Variants in NEGR1 observed in about 807,000 individuals in gnomAD.
The protein encoded by NEGR1 is IgLON family member 4.
A neutral mutation model predicts 40.9 loss-of-function variants in NEGR1; 10 were observed. The ratio of observed to expected loss-of-function variants is 0.24; its 90% CI spans 0.15 to 0.42. The LOEUF is 0.42. Among genes scored for constraint, NEGR1 ranks in the 10% least tolerant of loss-of-function variants. The pLI is 1.00. For synonymous variants in NEGR1, 185 were observed against 166.8 expected (o/e 1.11, Z -0.84); for missense variants, 352 against 438.9 (o/e 0.80, Z 1.77).
intron 1 of NEGR1, among the ~76,000 whole-genome samples, chr1:72,161,144 T>A (rs887479406): frequency 6.6e-6 from 1 of 150,932 alleles, no homozygotes; most frequent in African/African-American, 2.5e-5. Flanking sequence ...TCCTTCATCA[T>A]AATCTAGGAC....
intron 3 of NEGR1, among the ~76,000 whole-genome samples, chr1:71,774,741 C>T (rs17091734): frequency 0.055 from 8,381 of 151,904 alleles, 471 homozygotes; most frequent in African/African-American, 0.14. Context: ...GAGGTGGGGT[C>T]CTATTTATTA....
chr1:71,952,625 C>A (rs1646081255), intron 1 of NEGR1, among the ~76,000 whole-genome samples: 1 of 151,974 alleles, frequency 6.6e-6, no homozygotes, highest in African/African-American at 2.4e-5. Flanking sequence ...AAGATGTCTA[C>A]ATTAACATCA....
At chr1:71,880,672 C>A (rs1660560985) in intron 2 of NEGR1, among the ~76,000 whole-genome samples, 1 of 151,978 alleles carries the variant, frequency 6.6e-6, no homozygotes, top group South Asian at 2.1e-4. Flanking sequence ...GAATTTGCAG[C>A]TTCCTACCAA....
At chr1:71,767,589 A>C (rs1485460764) in intron 3 of NEGR1, among the ~76,000 whole-genome samples, 1 of 152,242 alleles carries the variant, frequency 6.6e-6, no homozygotes, top group East Asian at 1.9e-4. Context: ...GAAAATTTTC[A>C]GCCTTGCTAT....
intron 2 of NEGR1, among the ~76,000 whole-genome samples, chr1:71,873,961 C>A (rs1660352596): frequency 6.6e-6 from 1 of 152,108 alleles, no homozygotes; most frequent in Admixed American, 6.6e-5. Flanking sequence ...ATTTTTCATG[C>A]TTATTTGCTT....
chr1:71,445,105 C>T (rs1646571910), intron 6 of NEGR1, among the ~76,000 whole-genome samples: 1 of 152,060 alleles, frequency 6.6e-6, no homozygotes, highest in South Asian at 2.1e-4. Flanking sequence ...GGCTTCTGAG[C>T]TAAACTGGAA....
intron 6 of NEGR1, among the ~76,000 whole-genome samples, chr1:71,567,037 T>G (rs1648643485): frequency 1.3e-5 from 2 of 152,148 alleles, no homozygotes; most frequent in South Asian, 4.1e-4. Flanking sequence ...ATATGAATTT[T>G]GAGGGGACAT....
At chr1:71,987,266 G>C (rs1646403010) in intron 1 of NEGR1, among the ~76,000 whole-genome samples, 1 of 152,178 alleles carries the variant, frequency 6.6e-6, no homozygotes. Context: ...TGTAGGAATA[G>C]CAAGTAGTGA....
intron 4 of NEGR1, among the ~76,000 whole-genome samples, chr1:71,643,457 A>C (rs1423526092): frequency 2.0e-5 from 3 of 152,060 alleles, no homozygotes; most frequent in African/African-American, 7.2e-5. Context: ...TGCATTGGAT[A>C]CATAGTTCAT....
chr1:71,580,407 T>C (rs1350354308), intron 6 of NEGR1, among the ~76,000 whole-genome samples: 1 of 151,918 alleles, frequency 6.6e-6, no homozygotes, highest in Non-Finnish European at 1.5e-5. Flanking sequence ...TGTATACATA[T>C]GTAACTATCC....
chr1:71,768,931 C>T (rs1656221688), intron 3 of NEGR1, among the ~76,000 whole-genome samples: 1 of 152,108 alleles, frequency 6.6e-6, no homozygotes, highest in Non-Finnish European at 1.5e-5. Flanking sequence ...TCTCCTGCTC[C>T]AGCATTGTAA....
At chr1:71,722,891 A>C (rs1373731792) in intron 3 of NEGR1, among the ~76,000 whole-genome samples, 2 of 152,076 alleles carry the variant, frequency 1.3e-5, no homozygotes, top group African/African-American at 2.4e-5. Flanking sequence ...GTACCTTTGC[A>C]ATATTTCCCT....
intron 2 of NEGR1, among the ~76,000 whole-genome samples, chr1:71,824,139 GA>G (rs796125642): frequency 5.9e-5 from 9 of 151,296 alleles, no homozygotes; most frequent in Non-Finnish European, 1.2e-4. Context: ...GTGGTACACA[GA>G]AAAAAAAATT....
At chr1:71,690,142 C>G (rs1211106259) in intron 4 of NEGR1, among the ~76,000 whole-genome samples, 1 of 152,012 alleles carries the variant, frequency 6.6e-6, no homozygotes, top group Non-Finnish European at 1.5e-5. Flanking sequence ...TACACATACA[C>G]AAAACACACA....
intron 5 of NEGR1, 60 bp downstream of exon 5, chr1:71,610,966 G>A (rs1650230066): frequency 1.3e-6 from 2 of 1,555,742 alleles, no homozygotes; most frequent in Admixed American, 1.8e-5. Context: ...GTAAGTATCT[G>A]AAACACAAGC....
intron 1 of NEGR1, among the ~76,000 whole-genome samples, chr1:72,235,106 G>A (rs976647262): frequency 3.9e-5 from 6 of 152,052 alleles, no homozygotes; most frequent in Non-Finnish European, 8.8e-5. Context: ...AGGAGGGTGA[G>A]TTTCCTCTTG....
intron 6 of NEGR1, among the ~76,000 whole-genome samples, chr1:71,591,344 A>T (rs1649493008): frequency 6.6e-6 from 1 of 152,176 alleles, no homozygotes; most frequent in Admixed American, 6.5e-5. Flanking sequence ...TGTTTACACA[A>T]GTGGCATTTG....
chr1:72,102,950 A>C (rs548338878), intron 1 of NEGR1, among the ~76,000 whole-genome samples: 3 of 152,098 alleles, frequency 2.0e-5, no homozygotes, highest in Non-Finnish European at 4.4e-5. Context: ...TTTTGATCAA[A>C]ACAAAGTCAA....
intron 6 of NEGR1, among the ~76,000 whole-genome samples, chr1:71,469,432 G>A (rs1186426257): frequency 6.6e-6 from 1 of 151,932 alleles, no homozygotes; most frequent in East Asian, 1.9e-4. Flanking sequence ...CTTTACTTCT[G>A]GTCATTTTTC....
Sources: allele counts gnomAD v4.1 joint callset (sites outside exome capture counted in the v4.1 genomes callset), GRCh38; gene constraint gnomAD v4.1.1; transcripts MANE v1.5; gene names NCBI Gene and HGNC (gene_info 2026-07-23, HGNC 2026-07-21).